ANK3: variants seen among roughly 807,000 people sequenced by gnomAD.
ANK3 encodes ankyrin 3.
A neutral mutation model predicts 370.9 loss-of-function variants in ANK3; 57 were observed. That is an observed-to-expected ratio of 0.15 (90% CI 0.12 to 0.19). The LOEUF is 0.19. Among genes scored for constraint, ANK3 ranks in the 10% least tolerant of loss-of-function variants. The pLI is 1.00. For missense variants in ANK3, 4,439 were observed against 5,302.1 expected (o/e 0.84, Z 5.06); for synonymous variants, 1,929 against 1,946.3 (o/e 0.99, Z 0.23).
chr10:60,134,202 C>G (rs2094227688), intron 25 of ANK3, 69 bp downstream of exon 25: 1 of 1,283,894 alleles, frequency 7.8e-7, no homozygotes. Context: ...TGTCACAAGA[C>G]AGAGAGCTTG....
In ANK3 at chr10:60,531,227, G is replaced by A. The variant is rs2076598286; in HGVS notation, c.96+83959C>T. On this transcript the variant is annotated intron_variant, in intron 2 of 43. Transcript: ENST00000373827. ...ATAGATTATGAGACAATCATGCAATGAGTACCACACAACCACGCACAAAGA... is the reference window on the plus strand; with the variant it reads ...ATAGATTATGAGACAATCATGCAATAAGTACCACACAACCACGCACAAAGA... Among the ~76,000 whole-genome samples the A allele has an allele frequency of 1.3e-5, 2 of 152,006 alleles. 1 individual carries two copies. The highest frequency in any genetic ancestry group is 4.2e-4 in the South Asian group (2 of 4,816).
intron 28 of ANK3, among the ~76,000 whole-genome samples, chr10:60,092,114 T>C (rs1021618406): frequency 6.6e-6 from 1 of 152,156 alleles, no homozygotes; most frequent in African/African-American, 2.4e-5. Context: ...GGAAATGGAA[T>C]TGGGGAAGGA....
chr10:60,564,388 A>C (rs565672493), intron 2 of ANK3, among the ~76,000 whole-genome samples: 76 of 152,300 alleles, frequency 5.0e-4, no homozygotes, highest in African/African-American at 1.7e-3. Flanking sequence ...ACAACAAAAG[A>C]CTTCAAAAGG....
intron 2 of ANK3, among the ~76,000 whole-genome samples, chr10:60,397,205 A>AG (rs1282374088): frequency 6.6e-6 from 1 of 151,982 alleles, no homozygotes; most frequent in East Asian, 1.9e-4. Context: ...TAGGATTAAA[A>AG]AAAAAAAAAA....
chr10:60,598,219 C>T (rs547367331), intron 2 of ANK3, among the ~76,000 whole-genome samples: 2 of 152,270 alleles, frequency 1.3e-5, no homozygotes, highest in Admixed American at 1.3e-4. Context: ...TACACCTGCC[C>T]TAATAATCAG....
At chr10:60,145,408 G>GGGAAAATAA (rs2094766456) in intron 23 of ANK3, among the ~76,000 whole-genome samples, 1 of 152,040 alleles carries the variant, frequency 6.6e-6, no homozygotes, top group Non-Finnish European at 1.5e-5. Context: ...GATTTTCTTT[G>GGGAAAATAA]ATCATACAGC....
intron 1 of ANK3, among the ~76,000 whole-genome samples, chr10:60,279,893 T>C (rs1185650973): frequency 6.6e-6 from 1 of 152,180 alleles, no homozygotes; most frequent in Non-Finnish European, 1.5e-5. Context: ...CTATAAAGTA[T>C]AGGCACCTTA....
At chr10:60,315,008 AATG>A (rs927118303) in intron 1 of ANK3, among the ~76,000 whole-genome samples, 3 of 152,192 alleles carry the variant, frequency 2.0e-5, no homozygotes, top group African/African-American at 7.2e-5. Flanking sequence ...AATGTAGACG[AATG>A]ATGATATCTT....
chr10:60,595,862 A>G (rs1188673550), intron 2 of ANK3, among the ~76,000 whole-genome samples: 1 of 152,208 alleles, frequency 6.6e-6, no homozygotes, highest in Non-Finnish European at 1.5e-5. Flanking sequence ...TTCCTATGTC[A>G]GATTTTTCTC....
intron 1 of ANK3, among the ~76,000 whole-genome samples, chr10:60,701,589 G>T (rs1277771334): frequency 2.0e-5 from 3 of 152,178 alleles, no homozygotes; most frequent in Non-Finnish European, 4.4e-5. Flanking sequence ...TTGCTGCTGT[G>T]ACTTAATCTC....
chr10:60,624,723 A>G (rs199965443), intron 1 of ANK3, among the ~76,000 whole-genome samples: 31 of 129,332 alleles, frequency 2.4e-4, no homozygotes, highest in Middle Eastern at 3.8e-3. Flanking sequence ...TAGTGGCTTT[A>G]AAAAAAAAAA....
At chr10:60,383,475 C>A (rs1411257263) in intron 1 of ANK3, among the ~76,000 whole-genome samples, 5 of 152,126 alleles carry the variant, frequency 3.3e-5, no homozygotes, top group South Asian at 2.1e-4. Flanking sequence ...ACTCAGACAA[C>A]CTTACTCTAT....
rs777295364 is a variant in ANK3, at chr10:60,088,130, C to A, written c.3540+17G>T. The A allele has an allele frequency of 1.9e-6, 3 of 1,612,688 alleles. No homozygotes were observed. In the South Asian group the frequency reaches 3.3e-5, roughly 18 times the overall value. On this transcript the variant is annotated intron_variant, in intron 29 of 43. Transcript: ENST00000280772. ...TCTCTGCGCATACTGAGGGAAACAA[C>A]TTTTTGTGAACATTACCTGGAGGCC...
At chr10:60,199,311 G>C (rs758982209) in intron 13 of ANK3, among the ~76,000 whole-genome samples, 6 of 152,144 alleles carry the variant, frequency 3.9e-5, no homozygotes, top group Non-Finnish European at 5.9e-5. Context: ...AACGAGGCTA[G>C]AATAGAGGAC....
intron 1 of ANK3, among the ~76,000 whole-genome samples, chr10:60,616,351 A>G (rs2133323994): frequency 6.6e-6 from 1 of 152,312 alleles, no homozygotes; most frequent in South Asian, 2.1e-4. Context: ...CCAAGCACAA[A>G]AAATGAAAAT....
intron 42 of ANK3, among the ~76,000 whole-genome samples, chr10:60,052,311 G>C (rs966181121): frequency 6.6e-6 from 1 of 152,098 alleles, no homozygotes; most frequent in African/African-American, 2.4e-5. Flanking sequence ...CTGGGCAATA[G>C]GGCAAGACTC....
chr10:60,045,031 A>G (rs1291160996), intron 42 of ANK3, among the ~76,000 whole-genome samples: 5 of 152,336 alleles, frequency 3.3e-5, no homozygotes, highest in Middle Eastern at 3.4e-3. Context: ...TTAAGATGAT[A>G]TCTTCTGATC....
intron 1 of ANK3, among the ~76,000 whole-genome samples, chr10:60,681,098 T>G (rs1172632421): frequency 6.6e-6 from 1 of 152,166 alleles, no homozygotes; most frequent in Non-Finnish European, 1.5e-5. Context: ...ACTTTCCAAG[T>G]CCAAGTCCTG....
chr10:60,668,273 A>G (rs745404842), intron 1 of ANK3, among the ~76,000 whole-genome samples: 2 of 151,430 alleles, frequency 1.3e-5, no homozygotes, highest in African/African-American at 2.5e-5. Context: ...CCTCTCTCCC[A>G]GTTACTCATG....
Sources: gnomAD v4.1 joint callset for allele counts (sites outside exome capture counted in the v4.1 genomes callset) on GRCh38, gnomAD v4.1.1 for gene constraint, MANE v1.5 for transcripts, NCBI Gene and HGNC (gene_info 2026-07-23, HGNC 2026-07-21) for gene names.